MTUS2: variants seen among roughly 807,000 people sequenced by gnomAD.
The protein encoded by MTUS2 is microtubule associated scaffold protein 2.
Under a neutral mutation model 114.1 loss-of-function variants are expected in MTUS2, and 40 were observed. That is an observed-to-expected ratio of 0.35 (90% CI 0.27 to 0.46). The LOEUF is 0.46. Ranked by LOEUF, MTUS2 falls within the 20% of genes least tolerant of loss-of-function variation. The pLI is 1.00. For missense variants in MTUS2, 1,679 were observed against 1,705.4 expected, an observed-to-expected ratio of 0.98 and a Z score of 0.27; for synonymous variants, 688 against 672.0, an observed-to-expected ratio of 1.02 and a Z score of -0.37.
At chr13:28,830,875 A>T (rs947520538) in intron 1 of MTUS2, among the ~76,000 whole-genome samples, 2 of 152,192 alleles carry the variant, frequency 1.3e-5, no homozygotes, top group East Asian at 1.9e-4. Context: ...TGTATTGAAA[A>T]TGCTGAAAGA....
chr13:28,942,392 G>A (rs1344912741), intron 2 of MTUS2, among the ~76,000 whole-genome samples: 2 of 152,184 alleles, frequency 1.3e-5, no homozygotes, highest in Non-Finnish European at 2.9e-5. Flanking sequence ...ATGTGTATTT[G>A]TACACCAGTT....
At chr13:28,888,415 G>A (rs949846096) in intron 2 of MTUS2, among the ~76,000 whole-genome samples, 1 of 125,358 alleles carries the variant, frequency 8.0e-6, no homozygotes, top group Non-Finnish European at 1.6e-5. Flanking sequence ...TTTCCTCTTG[G>A]CATCTTTTTT....
chr13:29,217,638 A>C (rs1178742811), intron 5 of MTUS2, among the ~76,000 whole-genome samples: 1 of 152,152 alleles, frequency 6.6e-6, no homozygotes, highest in Non-Finnish European at 1.5e-5. Flanking sequence ...AATTTAAGGG[A>C]ACATTGAAGT....
In MTUS2 at chr13:28,958,100, C is replaced by T. The variant is rs2138200680; in HGVS notation, c.-242-66357C>T. On this transcript the variant is annotated intron_variant, in intron 2 of 15. Transcript: ENST00000612955. The stretch of plus-strand genomic sequence containing the variant: ...ATTGTCAGCGTTGGCTGTGCTCTAA[C>T]AGTAATAAAGTAAGAAAAAATGTCC... 1.3e-5 allele frequency among the ~76,000 whole-genome samples: 2 copies of T among 152,270 alleles called. 1 individual carries two copies. The highest frequency in any genetic ancestry group is 6.8e-3 in the Middle Eastern group (2 of 294).
At chr13:29,187,017 CAAA>C (rs1248093414) in intron 5 of MTUS2, among the ~76,000 whole-genome samples, 3 of 151,558 alleles carry the variant, frequency 2.0e-5, no homozygotes, top group Non-Finnish European at 2.9e-5. Context: ...ACCATTGGGT[CAAA>C]GAAGAAATCA....
At chr13:29,021,175 G>A (rs1202113042) in intron 2 of MTUS2, among the ~76,000 whole-genome samples, 1 of 152,210 alleles carries the variant, frequency 6.6e-6, no homozygotes. Flanking sequence ...GCTGACCCAG[G>A]AGGATCTCTT....
intron 8 of MTUS2, among the ~76,000 whole-genome samples, chr13:29,360,465 T>G (rs9508405): frequency 0.41 from 62,380 of 151,990 alleles, 15,658 homozygotes; most frequent in East Asian, 0.65. Context: ...TTTTGTTTGT[T>G]TAAAGCTTTC....
chr13:28,991,769 T>A (rs1042649475), intron 2 of MTUS2, among the ~76,000 whole-genome samples: 1 of 152,294 alleles, frequency 6.6e-6, no homozygotes, highest in African/African-American at 2.4e-5. Flanking sequence ...TTATCCTTTT[T>A]CCCTCCTTCC....
Position 29,281,582 on chromosome 13 carries a change from C to G in MTUS2, c.2645-122C>G, listed in dbSNP as rs191774666. ...GAAAAATACTTTTCAAGGTCACTCA[C>G]TAAGAATCAGGTCAAGTTCTAAAGC... On this transcript the variant is annotated intron_variant, in intron 5 of 15. Coordinates refer to ENST00000612955, the MANE Select transcript of MTUS2 (RefSeq NM_001033602.4). The G allele has an allele frequency of 4.0e-5, 44 of 1,090,372 alleles. No homozygotes were observed. The African/African-American group carries it at 5.8e-4, about 14-fold the overall frequency. 67.5% of individuals were successfully genotyped at this position (1,090,372 alleles called of 1,614,324 possible). A position where few individuals can be genotyped will look rare whatever the true frequency, so the allele number is the denominator to read the frequency against.
At chr13:28,827,446 T>G (rs1331948696) in intron 1 of MTUS2, among the ~76,000 whole-genome samples, 1 of 152,208 alleles carries the variant, frequency 6.6e-6, no homozygotes, top group Non-Finnish European at 1.5e-5. Flanking sequence ...TATACTGAAA[T>G]TTTTCTGCTA....
chr13:29,273,342 T>A (rs1333023891), intron 5 of MTUS2, among the ~76,000 whole-genome samples: 1 of 152,186 alleles, frequency 6.6e-6, no homozygotes, highest in Non-Finnish European at 1.5e-5. Flanking sequence ...GAATATGTTA[T>A]CAGAAGACAG....
chr13:29,350,960 C>CATATATATATATATATATCTATATAT (rs1869191558), intron 7 of MTUS2, among the ~76,000 whole-genome samples: 1 of 128,576 alleles, frequency 7.8e-6, no homozygotes, highest in Non-Finnish European at 1.7e-5. Flanking sequence ...ATATATATTT[C>CATATATATATATATATATCTATATAT]ATATATATAT....
At chr13:29,334,750 G>A (rs1346207639) in intron 7 of MTUS2, among the ~76,000 whole-genome samples, 1 of 152,136 alleles carries the variant, frequency 6.6e-6, no homozygotes, top group African/African-American at 2.4e-5. Context: ...GTTGGCCTGT[G>A]TTGTGGGAAG....
At chr13:28,956,820 A>T (rs1020284400) in intron 2 of MTUS2, among the ~76,000 whole-genome samples, 1 of 151,404 alleles carries the variant, frequency 6.6e-6, no homozygotes, top group Non-Finnish European at 1.5e-5. Context: ...GGCGGAAAGG[A>T]AGTGTGGCGG....
chr13:29,112,865 TAAG>T (rs1248240968), intron 5 of MTUS2, among the ~76,000 whole-genome samples: 1 of 152,064 alleles, frequency 6.6e-6, no homozygotes, highest in African/African-American at 2.4e-5. Context: ...CCCAGGTAAT[TAAG>T]AAGTAGAGTT....
chr13:29,113,471 C>T (rs535052558), intron 5 of MTUS2, among the ~76,000 whole-genome samples: 7 of 152,106 alleles, frequency 4.6e-5, no homozygotes, highest in Non-Finnish European at 7.3e-5. Context: ...TGTGCCCAAT[C>T]GAAATTTCTG....
rs1448054587 is a variant in MTUS2, at chr13:28,877,117, G to C, written c.-243+37267G>C. On this transcript the variant is annotated intron_variant, in intron 2 of 15. Transcript: ENST00000612955. ...ACCACCCTGGCTATGATGAAACCCC[G>C]TCTCTACTAAAAATACAAAAAAAAA... Among the ~76,000 whole-genome samples the C allele has an allele frequency of 2.7e-5, 4 of 147,952 alleles. No homozygotes were observed. In the South Asian group the frequency reaches 8.6e-4, roughly 32 times the overall value.
chr13:28,881,938 G>T (rs773509154), intron 2 of MTUS2, among the ~76,000 whole-genome samples: 1 of 152,198 alleles, frequency 6.6e-6, no homozygotes, highest in African/African-American at 2.4e-5. Flanking sequence ...TTTGACAAAG[G>T]TATCAAGGTA....
At chr13:28,949,654 C>T (rs1333592046) in intron 2 of MTUS2, among the ~76,000 whole-genome samples, 1 of 152,212 alleles carries the variant, frequency 6.6e-6, no homozygotes, top group Non-Finnish European at 1.5e-5. Context: ...CCATTCTACT[C>T]TGTCTCTATG....
Sources: gnomAD v4.1 joint callset for allele counts (sites outside exome capture counted in the v4.1 genomes callset) on GRCh38, gnomAD v4.1.1 for gene constraint, MANE v1.5 for transcripts, NCBI Gene and HGNC (gene_info 2026-07-23, HGNC 2026-07-21) for gene names.